The following EBF1 variants were observed in gnomAD, a reference collection of about 807,000 sequenced individuals.
EBF1 encodes the protein EBF transcription factor 1.
A neutral mutation model predicts 68.4 loss-of-function variants in EBF1; 10 were observed. The observed-to-expected ratio is 0.15, with a 90% CI of 0.09 to 0.25. EBF1 has a LOEUF of 0.25. EBF1 is among the 10% of genes least tolerant of loss of function. The pLI, the probability that EBF1 is intolerant of heterozygous loss-of-function variation, is 1.00. For missense variants in EBF1, 509 were observed against 794.4 expected, an observed-to-expected ratio of 0.64 and a Z score of 4.32; for synonymous variants, 298 against 299.8, an observed-to-expected ratio of 0.99 and a Z score of 0.06.
intron 6 of EBF1, among the ~76,000 whole-genome samples, chr5:158,881,835 C>A (rs943352674): frequency 6.6e-6 from 1 of 152,176 alleles, no homozygotes; most frequent in Non-Finnish European, 1.5e-5. Flanking sequence ...TGCACCCCAA[C>A]CAGCAATGCA....
chr5:158,967,079 G>T (rs1432155156), intron 6 of EBF1, among the ~76,000 whole-genome samples: 3 of 151,588 alleles, frequency 2.0e-5, no homozygotes, highest in Non-Finnish European at 4.4e-5. Context: ...ACCTTTTCAG[G>T]AAATAAGAGA....
chr5:159,097,257 C>T, intron 1 of EBF1, 127 bp from the exon 2 acceptor site: 3 of 1,044,346 alleles, frequency 2.9e-6, no homozygotes, highest in Non-Finnish European at 4.1e-6. Context: ...AGTGGGCGCT[C>T]TTCACGCCCC....
At chr5:158,811,070 A>G (rs1782559342) in intron 8 of EBF1, among the ~76,000 whole-genome samples, 1 of 152,174 alleles carries the variant, frequency 6.6e-6, no homozygotes, top group South Asian at 2.1e-4. Context: ...ATCTGATAAC[A>G]ATGATGACCA....
intron 6 of EBF1, among the ~76,000 whole-genome samples, chr5:158,941,528 CTT>C (rs911873386): frequency 2.9e-4 from 44 of 152,202 alleles, no homozygotes; most frequent in Admixed American, 2.4e-3. Context: ...ATTATCCAAA[CTT>C]AACTGCTTCT....
intron 4 of EBF1, among the ~76,000 whole-genome samples, chr5:159,091,710 A>T (rs1382390988): frequency 6.6e-6 from 1 of 152,204 alleles, no homozygotes; most frequent in African/African-American, 2.4e-5. Flanking sequence ...TTGCATCAAT[A>T]CCTTAAAGTA....
At chr5:158,789,183 G>A (rs956186776) in intron 9 of EBF1, among the ~76,000 whole-genome samples, 3 of 151,896 alleles carry the variant, frequency 2.0e-5, no homozygotes, top group African/African-American at 7.3e-5. Flanking sequence ...ATAAGCACAG[G>A]TTAAATATAG....
At chr5:158,969,265 G>A (rs918074734) in intron 6 of EBF1, among the ~76,000 whole-genome samples, 2 of 152,136 alleles carry the variant, frequency 1.3e-5, no homozygotes, top group African/African-American at 4.8e-5. Context: ...TTGCACCACT[G>A]TGCTCCAGCC....
At chr5:158,814,291 T>C (rs549100373) in intron 8 of EBF1, among the ~76,000 whole-genome samples, 18 of 152,192 alleles carry the variant, frequency 1.2e-4, no homozygotes, top group Middle Eastern at 3.4e-3. Context: ...TAAAGTGAGC[T>C]ATGATTGCAC....
At chr5:159,006,970 CTATTAATGCAA>C (rs1353682368) in intron 6 of EBF1, among the ~76,000 whole-genome samples, 1 of 152,168 alleles carries the variant, frequency 6.6e-6, no homozygotes, top group Non-Finnish European at 1.5e-5. Context: ...TGTCACCTTC[CTATTAATGCAA>C]CACTTAACAA....
Position 159,071,704 on chromosome 5 carries a change from C to T in EBF1, c.554+1692G>A, listed in dbSNP as rs115649167. 5.4e-3 allele frequency among the ~76,000 whole-genome samples: 802 copies of T among 148,820 alleles called. 11 individuals carry two copies. Among genetic ancestry groups the T allele is most frequent in the African/African-American group, 0.019 (761 of 40,246 alleles). ...ATCAGAGTCACAGCTTCAAACCAAA[C>T]GAAGAACTTAAAAGCTTAACCCATT... On this transcript the variant is annotated intron_variant, in intron 6 of 15. Transcript: ENST00000313708.
At chr5:158,894,697 T>C (rs1801837954) in intron 6 of EBF1, among the ~76,000 whole-genome samples, 1 of 152,228 alleles carries the variant, frequency 6.6e-6, no homozygotes, top group African/African-American at 2.4e-5. Context: ...AACTTGGCCA[T>C]TTACTGTGTC....
Position 158,991,900 on chromosome 5 carries a change from T to C in EBF1, c.554+81496A>G, listed in dbSNP as rs191329714. Among the ~76,000 whole-genome samples the C allele has an allele frequency of 7.9e-5, 12 of 152,276 alleles. No individual in the cohort carries two copies. In the East Asian group the frequency reaches 2.1e-3, roughly 27 times the overall value. On this transcript the variant is annotated intron_variant, in intron 6 of 15. Transcript: ENST00000313708. ...GCCTGCCCATTTCACCCCTCTCCAA[T>C]GTTTTTGCAACACATTTTAAATTAA...
Position 158,697,674 on chromosome 5 carries a change from A to G in EBF1, c.*1437T>C. 1 of 205,478 alleles carries G rather than the reference A, an allele frequency of 4.9e-6. No individual in the cohort carries two copies. Among genetic ancestry groups the G allele is most frequent in the Non-Finnish European group, 1.0e-5 (1 of 100,388 alleles). 12.7% of individuals were successfully genotyped at this position (205,478 alleles called of 1,614,324 possible). A position where few individuals can be genotyped will look rare whatever the true frequency, so the allele number is the denominator to read the frequency against. On this transcript the variant is annotated 3_prime_UTR_variant, in exon 16 of 16. Transcript: ENST00000313708. ...AGCTTTTTTTCTTTGCAAAATACGCAGTAAAATCTTTTTGTGATATTGAAA... is the reference window on the plus strand; with the variant it reads ...AGCTTTTTTTCTTTGCAAAATACGCGGTAAAATCTTTTTGTGATATTGAAA...
chr5:158,781,855 T>A (rs934823892), intron 9 of EBF1, among the ~76,000 whole-genome samples: 2 of 152,152 alleles, frequency 1.3e-5, no homozygotes, highest in African/African-American at 4.8e-5. Flanking sequence ...CCACCATAAT[T>A]ATCTTCTTCA....
intron 6 of EBF1, among the ~76,000 whole-genome samples, chr5:159,013,460 G>A (rs983768562): frequency 1.3e-5 from 2 of 152,226 alleles, no homozygotes; most frequent in African/African-American, 4.8e-5. Context: ...CCTGGAAATA[G>A]CATCTGAAGG....
At chr5:158,804,372 T>C (rs1582042037) in intron 8 of EBF1, among the ~76,000 whole-genome samples, 1 of 152,088 alleles carries the variant, frequency 6.6e-6, no homozygotes, top group East Asian at 1.9e-4. Flanking sequence ...CTTTCTTATT[T>C]TATTCTGAAT....
intron 6 of EBF1, among the ~76,000 whole-genome samples, chr5:159,071,983 C>T (rs1435595690): frequency 1.3e-5 from 2 of 152,182 alleles, no homozygotes; most frequent in Non-Finnish European, 2.9e-5. Flanking sequence ...GTTAAATTTA[C>T]TTGTGACCTT....
At chr5:158,796,318 A>C in intron 9 of EBF1, 27 bp downstream of exon 9, 1 of 1,596,132 alleles carries the variant, frequency 6.3e-7, no homozygotes, top group African/African-American at 1.3e-5. Flanking sequence ...TCAAGCTATT[A>C]GATATTAATG....
At chr5:158,767,060 A>G (rs1481752028) in intron 10 of EBF1, among the ~76,000 whole-genome samples, 1 of 152,154 alleles carries the variant, frequency 6.6e-6, no homozygotes, top group Non-Finnish European at 1.5e-5. Flanking sequence ...GAAATTTATA[A>G]TTTAGAAATG....
Sources: allele counts gnomAD v4.1 joint callset (sites outside exome capture counted in the v4.1 genomes callset), GRCh38; gene constraint gnomAD v4.1.1; transcripts MANE v1.5; gene names NCBI Gene and HGNC (gene_info 2026-07-23, HGNC 2026-07-21).